Variants in PDE5A observed in about 807,000 individuals in gnomAD.
PDE5A encodes cGMP-specific 3',5'-cyclic phosphodiesterase.
Under a neutral mutation model 110.2 loss-of-function variants are expected in PDE5A, and 67 were observed. The observed-to-expected ratio is 0.61, with a 90% CI of 0.50 to 0.75. The LOEUF is 0.75. Among genes scored for constraint, PDE5A ranks in the 30% least tolerant of loss-of-function variants. The pLI is 0.00. For missense variants in PDE5A, 862 were observed against 1,045.1 expected (o/e 0.82, Z 2.42); for synonymous variants, 328 against 351.2 (o/e 0.93, Z 0.74).
Position 119,546,786 on chromosome 4 carries a change from C to T in PDE5A, c.1397-4152G>A, listed in dbSNP as rs543751845. Among the ~76,000 whole-genome samples, 7 of 152,090 alleles carry T rather than the reference C, an allele frequency of 4.6e-5. No homozygotes were observed. The South Asian group carries it at 1.2e-3, about 27-fold the overall frequency. ...TTTTAAGTCACTCAGAATTTTGTAG[C>T]TTTCCTCATATAGATGACATATATT... On this transcript the variant is annotated intron_variant, in intron 9 of 20. Coordinates refer to ENST00000354960, the MANE Select transcript of PDE5A (RefSeq NM_001083.4).
rs571741944 is a variant in PDE5A at position 119,605,604 on chromosome 4, G to A, written c.741+1105C>T. Among the ~76,000 whole-genome samples the A allele has an allele frequency of 6.7e-4, 101 of 151,790 alleles. 1 individual carries two copies. The highest frequency in any genetic ancestry group is 2.1e-3 in the South Asian group (10 of 4,796). On this transcript the variant is annotated intron_variant, in intron 2 of 20. Coordinates refer to ENST00000354960, the MANE Select transcript of PDE5A (RefSeq NM_001083.4). ...AAAGGTTGCAGTGAGTCGAGATCGCGTTACTGCACTCCAGCCTGGATAGCA... is the reference window on the plus strand; with the variant it reads ...AAAGGTTGCAGTGAGTCGAGATCGCATTACTGCACTCCAGCCTGGATAGCA...
At chr4:119,582,859 T>C (rs547484550) in intron 3 of PDE5A, among the ~76,000 whole-genome samples, 1 of 152,334 alleles carries the variant, frequency 6.6e-6, no homozygotes, top group South Asian at 2.1e-4. Context: ...AAATATTCAG[T>C]AAATCATGCT....
intron 5 of PDE5A, among the ~76,000 whole-genome samples, chr4:119,563,171 C>A (rs1195476675): frequency 6.6e-6 from 1 of 152,108 alleles, no homozygotes; most frequent in African/African-American, 2.4e-5. Flanking sequence ...AGATCACAGC[C>A]TCTGAAGCCA....
chr4:119,529,404 A>G (rs1210229711), intron 11 of PDE5A, among the ~76,000 whole-genome samples: 1 of 152,198 alleles, frequency 6.6e-6, no homozygotes, highest in Non-Finnish European at 1.5e-5. Flanking sequence ...GAGGCTAGAC[A>G]GCTAACAAAA....
At position 119,628,656 on chromosome 4, in the gene PDE5A, G is replaced by T. The variant is rs199937233; in HGVS notation, c.16C>A (p.Pro6Thr). 3 of 1,613,196 alleles carry T rather than the reference G, an allele frequency of 1.9e-6. No individual in the cohort carries two copies. The highest frequency in any genetic ancestry group is 1.7e-5 in the Admixed American group (1 of 60,006). ...TGCTGTCGCTGCTGCCCGAAGCTGG[G>T]GCCGGCCCGCTCCATGGTTGGCACC... MERAGPSFGQQRQQQQ... is the reference protein window; with the variant it reads MERAGTSFGQQRQQQQ... Residue 6 changes from proline to threonine, a missense_variant, in exon 1 of 21, where the codon CCC (proline) becomes ACC (threonine). Transcript: ENST00000354960.
chr4:119,504,799 C>T lies in PDE5A; in HGVS notation c.2268-200G>A, dbSNP rs562412542. ...ACAGAGCATCATTGTTTCAGTTTCC[C>T]TTTGAACTTTTGGAATTTGTCCTCA... On this transcript the variant is annotated intron_variant, in intron 17 of 20. Transcript: ENST00000354960. Among the ~76,000 whole-genome samples the T allele has an allele frequency of 3.3e-5, 5 of 152,138 alleles. No individual in the cohort carries two copies. The South Asian group carries it at 8.3e-4, about 25-fold the overall frequency.
chr4:119,589,596 TA>T (rs1386837376), intron 3 of PDE5A, among the ~76,000 whole-genome samples: 3 of 152,208 alleles, frequency 2.0e-5, no homozygotes, highest in African/African-American at 7.2e-5. Flanking sequence ...ATAGCAGCCG[TA>T]AAAATTCACA....
chr4:119,568,980 T>C (rs967116551), intron 3 of PDE5A, among the ~76,000 whole-genome samples: 2 of 151,328 alleles, frequency 1.3e-5, no homozygotes, highest in East Asian at 1.9e-4. Flanking sequence ...AACATTTTAG[T>C]CCATCATCAT....
At chr4:119,592,927 G>A (rs968382695) in intron 3 of PDE5A, among the ~76,000 whole-genome samples, 7 of 152,086 alleles carry the variant, frequency 4.6e-5, no homozygotes, top group Admixed American at 1.3e-4. Context: ...AGAGAGCTTC[G>A]GGCTATTTGG....
chr4:119,617,775 T>TA (rs1729992134), intron 1 of PDE5A, among the ~76,000 whole-genome samples: 1 of 152,192 alleles, frequency 6.6e-6, no homozygotes, highest in Non-Finnish European at 1.5e-5. Context: ...TATACTGTAC[T>TA]AGGGTATTTG....
At chr4:119,583,730 C>T (rs1016713898) in intron 3 of PDE5A, among the ~76,000 whole-genome samples, 2 of 152,076 alleles carry the variant, frequency 1.3e-5, no homozygotes, top group African/African-American at 4.8e-5. Flanking sequence ...AGGAGAGAGA[C>T]AGGGGAACAT....
At chr4:119,526,840 G>A (rs553762882) in intron 11 of PDE5A, among the ~76,000 whole-genome samples, 1 of 152,212 alleles carries the variant, frequency 6.6e-6, no homozygotes, top group Non-Finnish European at 1.5e-5. Context: ...TTCAAGCTAA[G>A]AATTTTTTCC....
chr4:119,556,995 G>A (rs1220603841), intron 7 of PDE5A, among the ~76,000 whole-genome samples: 2 of 149,748 alleles, frequency 1.3e-5, no homozygotes, highest in African/African-American at 2.4e-5. Flanking sequence ...CCTTTAGAAT[G>A]TGCCTCAGAG....
At chr4:119,517,415 GAAAAATCCCT>G (rs1373112203) in intron 14 of PDE5A, among the ~76,000 whole-genome samples, 2 of 148,256 alleles carry the variant, frequency 1.3e-5, no homozygotes, top group Non-Finnish European at 3.0e-5. Context: ...GAAAAAAAAA[GAAAAATCCCT>G]GGAAAATTCT....
intron 7 of PDE5A, 48 bp downstream of exon 7, chr4:119,560,248 C>T: frequency 1.9e-6 from 2 of 1,028,334 alleles, no homozygotes; most frequent in Non-Finnish European, 2.9e-6. Context: ...ACTATTTAGC[C>T]AATATTATAT....
chr4:119,628,709 C>T lies in PDE5A; in HGVS notation c.-38G>A. ...GCGCCTCGGAGGCTCTCTGGTACTG[C>T]TTTTCCACCCCAGCTGGGGTCCGTC... On this transcript the variant is annotated 5_prime_UTR_variant, in exon 1 of 21. Transcript: ENST00000354960. The T allele has an allele frequency of 6.2e-7, 1 of 1,604,214 alleles. No homozygotes were observed. The highest frequency in any genetic ancestry group is 8.5e-7 in the Non-Finnish European group (1 of 1,178,950).
chr4:119,585,295 C>A (rs1728723326), intron 3 of PDE5A, among the ~76,000 whole-genome samples: 1 of 145,174 alleles, frequency 6.9e-6, no homozygotes, highest in Admixed American at 6.9e-5. Flanking sequence ...AAAAAAAAGT[C>A]TTTTAATACC....
intron 11 of PDE5A, among the ~76,000 whole-genome samples, chr4:119,533,259 G>A (rs2110479744): frequency 6.6e-6 from 1 of 152,166 alleles, no homozygotes; most frequent in South Asian, 2.1e-4. Flanking sequence ...GGTGTTTTAA[G>A]CCCTTCTTAT....
intron 3 of PDE5A, among the ~76,000 whole-genome samples, chr4:119,592,318 C>T (rs1480688259): frequency 6.9e-6 from 1 of 143,992 alleles, no homozygotes; most frequent in African/African-American, 2.6e-5. Flanking sequence ...ATTAGCCGGG[C>T]GTGGTGGCGG....
Sources: allele counts gnomAD v4.1 joint callset (sites outside exome capture counted in the v4.1 genomes callset), GRCh38; gene constraint gnomAD v4.1.1; transcripts MANE v1.5; gene names NCBI Gene and HGNC (gene_info 2026-07-23, HGNC 2026-07-21).